Variants in FGF14 observed in about 807,000 individuals in gnomAD.
FGF14 encodes the protein fibroblast growth factor 14.
FGF14 carries 5 observed loss-of-function variants against 25.5 expected under a neutral mutation model. The observed-to-expected ratio is 0.20, with a 90% CI of 0.10 to 0.41. The LOEUF (loss-of-function observed/expected upper bound fraction) is 0.41, where lower values mean the gene tolerates loss of function less well. Among genes scored for constraint, FGF14 ranks in the 10% least tolerant of loss-of-function variants. The pLI is 1.00. For synonymous variants in FGF14, 138 were observed against 118.3 expected (o/e 1.17, Z -1.08); for missense variants, 222 against 320.1 (o/e 0.69, Z 2.34).
chr13:102,152,077 G>A (rs553315789), intron 1 of FGF14, among the ~76,000 whole-genome samples: 53 of 152,156 alleles, frequency 3.5e-4, no homozygotes, highest in Middle Eastern at 3.4e-3. Context: ...TACGAAGCAC[G>A]GATATTTATG....
intron 1 of FGF14, among the ~76,000 whole-genome samples, chr13:102,129,958 G>A (rs1218660417): frequency 2.0e-5 from 3 of 152,118 alleles, no homozygotes; most frequent in African/African-American, 7.2e-5. Flanking sequence ...TTAGTTTCCT[G>A]TTGCTCCTGT....
intron 1 of FGF14, among the ~76,000 whole-genome samples, chr13:101,996,781 A>G (rs2039209421): frequency 6.6e-6 from 1 of 152,314 alleles, no homozygotes; most frequent in East Asian, 1.9e-4. Context: ...TTCCAAACTT[A>G]TAAGTGACAT....
At chr13:102,238,883 A>G (rs2141019867) in intron 1 of FGF14, among the ~76,000 whole-genome samples, 1 of 152,298 alleles carries the variant, frequency 6.6e-6, no homozygotes. Context: ...GTCCTTAGAA[A>G]GGTAGTACAT....
intron 1 of FGF14, among the ~76,000 whole-genome samples, chr13:102,167,497 T>G (rs781714242): frequency 1.3e-5 from 2 of 152,032 alleles, no homozygotes; most frequent in Non-Finnish European, 2.9e-5. Context: ...TCCTTTTAAT[T>G]TAATGAAAAT....
At chr13:101,748,874 A>G (rs926283374) in intron 3 of FGF14, among the ~76,000 whole-genome samples, 1 of 151,982 alleles carries the variant, frequency 6.6e-6, no homozygotes, top group African/African-American at 2.4e-5. Flanking sequence ...CATGTTTACA[A>G]CAGCATTATT....
rs2054068422 is a variant in FGF14 at position 102,285,832 on chromosome 13, A to G, written c.208+115639T>C. Among the ~76,000 whole-genome samples the G allele has an allele frequency of 2.6e-5, 4 of 152,352 alleles. No individual in the cohort carries two copies. The South Asian group carries it at 8.3e-4, about 32-fold the overall frequency. Reference sequence around the variant, plus strand: ...CAAAGAGAAAGAAAGTAATTTGCCTAAGGTTACAACAGCTTGTAACACATG... The same window carrying G: ...CAAAGAGAAAGAAAGTAATTTGCCTGAGGTTACAACAGCTTGTAACACATG... On this transcript the variant is annotated intron_variant, in intron 1 of 4. Transcript: ENST00000376131.
At chr13:102,038,813 T>A (rs1319560766) in intron 1 of FGF14, among the ~76,000 whole-genome samples, 4 of 152,116 alleles carry the variant, frequency 2.6e-5, no homozygotes, top group Non-Finnish European at 5.9e-5. Context: ...ATATTGAAAT[T>A]TTATTTATTA....
intron 1 of FGF14, among the ~76,000 whole-genome samples, chr13:102,229,187 C>T (rs544721566): frequency 6.6e-6 from 1 of 152,128 alleles, no homozygotes; most frequent in Non-Finnish European, 1.5e-5. Flanking sequence ...TTTGTGGATA[C>T]CCTACGTTTG....
Position 102,235,627 on chromosome 13 carries a change from T to C in FGF14, c.208+165844A>G, listed in dbSNP as rs2051294122. On this transcript the variant is annotated intron_variant, in intron 1 of 4. Transcript: ENST00000376131. ...GATCAGGATCAGGGAAGAAAATTTG[T>C]TTATTTTTTAATCCCTTATTTCTTA... is the stretch of plus-strand genomic sequence containing the variant. Among the ~76,000 whole-genome samples, 2 of 152,196 alleles carry C rather than the reference T, an allele frequency of 1.3e-5. 1 individual carries two copies. Among genetic ancestry groups the C allele is most frequent in the South Asian group, 4.1e-4 (2 of 4,832 alleles).
At chr13:101,796,126 A>C (rs1475871223) in intron 3 of FGF14, among the ~76,000 whole-genome samples, 1 of 152,146 alleles carries the variant, frequency 6.6e-6, no homozygotes, top group Non-Finnish European at 1.5e-5. Flanking sequence ...GTAAAATATA[A>C]AGTTCCACTG....
At chr13:102,053,876 G>A (rs1207369441) in intron 1 of FGF14, among the ~76,000 whole-genome samples, 1 of 152,076 alleles carries the variant, frequency 6.6e-6, no homozygotes, top group African/African-American at 2.4e-5. Context: ...TTACTGAACT[G>A]TAAGTTCTGG....
chr13:102,327,161 G>A (rs1444008137), intron 1 of FGF14, among the ~76,000 whole-genome samples: 1 of 147,554 alleles, frequency 6.8e-6, no homozygotes, highest in Non-Finnish European at 1.5e-5. Context: ...TAGATTTCTG[G>A]TCCTCCAAAT....
intron 1 of FGF14, among the ~76,000 whole-genome samples, chr13:102,285,991 G>C (rs1043404156): frequency 6.6e-6 from 1 of 152,170 alleles, no homozygotes; most frequent in African/African-American, 2.4e-5. Context: ...GCAGCATCAA[G>C]AAGGAAGGAA....
In FGF14 at chr13:102,342,362, G is replaced by A. The variant is rs976585700; in HGVS notation, c.208+59109C>T. The stretch of plus-strand genomic sequence containing the variant: ...TGGAAATGCTTTGCATGGACTCAGG[G>A]CTTCATTTTTAATTTGCCATGAAAT... On this transcript the variant is annotated intron_variant, in intron 1 of 4. Transcript: ENST00000376131. 2.0e-5 allele frequency among the ~76,000 whole-genome samples: 3 copies of A among 151,930 alleles called. No individual in the cohort carries two copies. In the East Asian group the frequency reaches 5.8e-4, roughly 29 times the overall value.
At chr13:101,845,298 T>A (rs1328653705) in intron 3 of FGF14, among the ~76,000 whole-genome samples, 2 of 152,040 alleles carry the variant, frequency 1.3e-5, no homozygotes, top group African/African-American at 4.8e-5. Flanking sequence ...TAAAAACTCT[T>A]TATGTGTGCA....
chr13:101,968,684 A>AC (rs1555330171), intron 1 of FGF14, among the ~76,000 whole-genome samples: 4 of 151,752 alleles, frequency 2.6e-5, no homozygotes, highest in Non-Finnish European at 4.4e-5. Context: ...AAAAAAAAAA[A>AC]AAAAAACCTC....
chr13:102,314,574 AG>A (rs1435855343), intron 1 of FGF14, among the ~76,000 whole-genome samples: 2 of 152,368 alleles, frequency 1.3e-5, no homozygotes, highest in East Asian at 3.8e-4. Flanking sequence ...GAGAGCTGAA[AG>A]TATAGTTTTA....
intron 1 of FGF14, among the ~76,000 whole-genome samples, chr13:101,997,838 T>C (rs1016757482): frequency 6.6e-6 from 1 of 151,580 alleles, no homozygotes; most frequent in Non-Finnish European, 1.5e-5. Flanking sequence ...AGCCCATTTT[T>C]TGAAGTTTTC....
At chr13:102,356,218 G>A (rs2057413812) in intron 1 of FGF14, among the ~76,000 whole-genome samples, 1 of 152,210 alleles carries the variant, frequency 6.6e-6, no homozygotes. Context: ...TCAGCTGAAT[G>A]TAAAGCTAGA....
Sources: allele counts gnomAD v4.1 joint callset (sites outside exome capture counted in the v4.1 genomes callset), GRCh38; gene constraint gnomAD v4.1.1; transcripts MANE v1.5; gene names NCBI Gene and HGNC (gene_info 2026-07-23, HGNC 2026-07-21).